KIF6: variants seen among roughly 807,000 people sequenced by gnomAD.
KIF6 encodes the protein kinesin family member 6, also known as kinesin-like protein KIF6.
A neutral mutation model predicts 112.7 loss-of-function variants in KIF6; 106 were observed. That is an observed-to-expected ratio of 0.94 (90% CI 0.80 to 1.11). The LOEUF (loss-of-function observed/expected upper bound fraction) is 1.11. Ranked by LOEUF, KIF6 falls within the 50% of genes least tolerant of loss-of-function variation. The pLI is 0.00. For missense variants in KIF6, 929 were observed against 964.0 expected (o/e 0.96, Z 0.48); for synonymous variants, 339 against 339.9 (o/e 1.00, Z 0.03).
intron 13 of KIF6, among the ~76,000 whole-genome samples, chr6:39,444,115 T>C (rs1395678516): frequency 6.6e-6 from 1 of 152,210 alleles, no homozygotes; most frequent in East Asian, 1.9e-4. Context: ...AACTAGGTAG[T>C]ATTGGGCCTA....
chr6:39,662,595 C>T (rs747116444), intron 3 of KIF6, among the ~76,000 whole-genome samples: 4 of 152,066 alleles, frequency 2.6e-5, no homozygotes, highest in Admixed American at 2.0e-4. Flanking sequence ...AATATCAATT[C>T]GAAACCCAAT....
chr6:39,657,888 A>T (rs13208338), intron 3 of KIF6, among the ~76,000 whole-genome samples: 40,712 of 151,956 alleles, frequency 0.27, 5,832 homozygotes, highest in East Asian at 0.39. Context: ...CCTTTGTCAA[A>T]CCCCAAAAGT....
At chr6:39,373,906 A>T (rs982474027) in intron 16 of KIF6, among the ~76,000 whole-genome samples, 5 of 152,166 alleles carry the variant, frequency 3.3e-5, no homozygotes, top group African/African-American at 9.7e-5. Context: ...ACCACAAAAG[A>T]CCTTCAATAG....
At position 39,420,963 on chromosome 6, in the gene KIF6, C is replaced by T. The variant is rs535370117; in HGVS notation, c.1755-960G>A. On this transcript the variant is annotated intron_variant, in intron 14 of 22. Transcript: ENST00000287152. The stretch of plus-strand genomic sequence containing the variant: ...AGACACCCACGATGAGCCAACTTTG[C>T]GCTAGAGAAGCAGACAGGACATGGC... Among the ~76,000 whole-genome samples, 5 of 152,250 alleles carry T rather than the reference C, an allele frequency of 3.3e-5. No homozygotes were observed. The South Asian group carries it at 8.3e-4, about 25-fold the overall frequency.
At chr6:39,484,888 T>A (rs763662983) in intron 13 of KIF6, among the ~76,000 whole-genome samples, 8 of 152,184 alleles carry the variant, frequency 5.3e-5, no homozygotes, top group Non-Finnish European at 1.2e-4. Context: ...CTCCTCAATC[T>A]GGGTTTGCCT....
chr6:39,472,958 C>T (rs1774215445), intron 13 of KIF6, among the ~76,000 whole-genome samples: 1 of 150,704 alleles, frequency 6.6e-6, no homozygotes, highest in Admixed American at 6.7e-5. Flanking sequence ...GCGATCTCAG[C>T]TCACCGCAAC....
intron 13 of KIF6, among the ~76,000 whole-genome samples, chr6:39,497,891 C>A (rs575446027): frequency 6.6e-6 from 1 of 152,198 alleles, no homozygotes; most frequent in Admixed American, 6.5e-5. Context: ...AACTAGAGAG[C>A]CAACTTAATT....
At chr6:39,396,215 G>T (rs1768258192) in intron 15 of KIF6, among the ~76,000 whole-genome samples, 1 of 152,206 alleles carries the variant, frequency 6.6e-6, no homozygotes, top group South Asian at 2.1e-4. Context: ...GAATGGAAAT[G>T]GTTTCAGCTT....
intron 5 of KIF6, among the ~76,000 whole-genome samples, chr6:39,615,541 T>A (rs1187366703): frequency 8.2e-6 from 1 of 122,520 alleles, no homozygotes; most frequent in African/African-American, 3.1e-5. Flanking sequence ...TTAGGTCCCA[T>A]CCTAAGAGAT....
At chr6:39,465,114 A>G (rs889639327) in intron 13 of KIF6, among the ~76,000 whole-genome samples, 1 of 152,182 alleles carries the variant, frequency 6.6e-6, no homozygotes, top group African/African-American at 2.4e-5. Context: ...AGAATAGGGC[A>G]TGGACAAACT....
chr6:39,540,877 A>G (rs541902292), intron 12 of KIF6, among the ~76,000 whole-genome samples: 2 of 152,352 alleles, frequency 1.3e-5, no homozygotes, highest in Non-Finnish European at 2.9e-5. Flanking sequence ...TCTGTAGGCC[A>G]TTGAGATATG....
intron 10 of KIF6, among the ~76,000 whole-genome samples, chr6:39,552,717 T>C (rs1448943240): frequency 6.6e-6 from 1 of 152,048 alleles, no homozygotes; most frequent in Non-Finnish European, 1.5e-5. Flanking sequence ...ATAAACATAA[T>C]GAGATCATCA....
intron 13 of KIF6, among the ~76,000 whole-genome samples, chr6:39,519,803 C>T (rs187299472): frequency 1.7e-4 from 26 of 152,192 alleles, no homozygotes; most frequent in Non-Finnish European, 3.7e-4. Flanking sequence ...GGGTGGATCA[C>T]CTGAGGTCAG....
At chr6:39,637,956 T>C (rs1784713034) in intron 4 of KIF6, among the ~76,000 whole-genome samples, 2 of 152,080 alleles carry the variant, frequency 1.3e-5, no homozygotes, top group Admixed American at 1.3e-4. Flanking sequence ...TGGTAAGTAC[T>C]AAGGAGACAT....
Position 39,450,368 on chromosome 6 carries a change from C to T in KIF6, c.1646-19207G>A, listed in dbSNP as rs1285719541. On this transcript the variant is annotated intron_variant, in intron 13 of 22. Transcript: ENST00000287152. ...ATAGGAGCTCAGAGAGGGATATAGT[C>T]GATACGGAAGGCAAGTCCTAAAGAT... 4.6e-5 allele frequency among the ~76,000 whole-genome samples: 7 copies of T among 152,244 alleles called. No homozygotes were observed. The South Asian group carries it at 1.2e-3, about 27-fold the overall frequency.
At chr6:39,668,629 A>C (rs187698448) in intron 3 of KIF6, among the ~76,000 whole-genome samples, 2 of 152,316 alleles carry the variant, frequency 1.3e-5, no homozygotes, top group Admixed American at 6.5e-5. Context: ...TTTAATTGCT[A>C]CACATGCCTT....
chr6:39,369,242 T>A (rs1765788227), intron 16 of KIF6, among the ~76,000 whole-genome samples: 1 of 152,112 alleles, frequency 6.6e-6, no homozygotes, highest in Non-Finnish European at 1.5e-5. Context: ...CGACGGGTGC[T>A]CAGTGCTGCC....
At chr6:39,431,194 A>C in intron 13 of KIF6, 33 bp from the exon 14 acceptor site, 1 of 1,236,704 alleles carries the variant, frequency 8.1e-7, no homozygotes, top group Non-Finnish European at 1.2e-6. Context: ...GGCCTCAGTC[A>C]CAGCATCAGG....
rs142889826 is a variant in KIF6 at position 39,391,284 on chromosome 6, C to T, written c.1811-5612G>A. On this transcript the variant is annotated intron_variant, in intron 15 of 22. Coordinates refer to ENST00000287152, the MANE Select transcript of KIF6 (RefSeq NM_145027.6). ...AGTAGGAAGGTAACTAAAACAGCGC[C>T]ATGCGGAACAGGGTAAGAGTCTGGC... 8.3e-3 allele frequency among the ~76,000 whole-genome samples: 1,258 copies of T among 152,260 alleles called. 12 individuals carry two copies. Among genetic ancestry groups the T allele is most frequent in the Middle Eastern group, 0.02 (6 of 294 alleles).
Sources: gnomAD v4.1 joint callset for allele counts (sites outside exome capture counted in the v4.1 genomes callset) on GRCh38, gnomAD v4.1.1 for gene constraint, MANE v1.5 for transcripts, NCBI Gene and HGNC (gene_info 2026-07-23, HGNC 2026-07-21) for gene names.